CCDC141: variants seen among roughly 807,000 people sequenced by gnomAD.
CCDC141 encodes the protein coiled-coil domain-containing protein 141.
CCDC141 carries 168 observed loss-of-function variants against 181.0 expected under a neutral mutation model. That is an observed-to-expected ratio of 0.93 (90% CI 0.82 to 1.05). CCDC141 has a LOEUF of 1.05. Ranked by LOEUF, CCDC141 falls within the 50% of genes least tolerant of loss-of-function variation. CCDC141 has a pLI of 0.00. For missense variants in CCDC141, 1,902 were observed against 1,788.5 expected, an observed-to-expected ratio of 1.06 and a Z score of -1.14; for synonymous variants, 666 against 642.3, an observed-to-expected ratio of 1.04 and a Z score of -0.56.
At chr2:178,942,518 A>G (rs534361851) in intron 6 of CCDC141, among the ~76,000 whole-genome samples, 18 of 152,324 alleles carry the variant, frequency 1.2e-4, no homozygotes, top group Non-Finnish European at 2.4e-4. Flanking sequence ...ATGAACAGGC[A>G]GAGCGCAGAG....
intron 15 of CCDC141, among the ~76,000 whole-genome samples, chr2:178,868,469 T>C (rs1265278428): frequency 6.6e-6 from 1 of 152,104 alleles, no homozygotes; most frequent in Non-Finnish European, 1.5e-5. Context: ...AGGTCTGTGC[T>C]CTGAGTAAAT....
chr2:178,928,572 A>G (rs1575229237), intron 6 of CCDC141, among the ~76,000 whole-genome samples: 1 of 152,334 alleles, frequency 6.6e-6, no homozygotes, highest in East Asian at 1.9e-4. Context: ...AAAAAAAGAT[A>G]TATGAGGAAT....
chr2:178,984,067 A>C (rs1691583040), intron 2 of CCDC141, among the ~76,000 whole-genome samples: 1 of 152,092 alleles, frequency 6.6e-6, no homozygotes, highest in Non-Finnish European at 1.5e-5. Flanking sequence ...GCCAGAGAGA[A>C]AGGTCGGGTT....
intron 2 of CCDC141, among the ~76,000 whole-genome samples, chr2:178,989,311 G>C (rs1476503267): frequency 1.3e-5 from 2 of 152,036 alleles, no homozygotes; most frequent in East Asian, 3.9e-4. Flanking sequence ...CAATAGAAAG[G>C]GGCTGGGCGC....
chr2:179,046,064 TA>T (rs2043488856), intron 2 of CCDC141, among the ~76,000 whole-genome samples: 1 of 152,214 alleles, frequency 6.6e-6, no homozygotes, highest in African/African-American at 2.4e-5. Context: ...AATCTGCTTC[TA>T]AATCTAGAAA....
At chr2:178,939,726 C>T (rs891035849) in intron 6 of CCDC141, among the ~76,000 whole-genome samples, 2 of 151,756 alleles carry the variant, frequency 1.3e-5, no homozygotes, top group African/African-American at 2.4e-5. Context: ...ACTGGGAGGT[C>T]GTCCAAGGGG....
At chr2:178,984,577 C>G (rs1292082723) in intron 2 of CCDC141, among the ~76,000 whole-genome samples, 1 of 149,910 alleles carries the variant, frequency 6.7e-6, no homozygotes, top group Non-Finnish European at 1.5e-5. Context: ...ACCCATCTCA[C>G]GTGCAGAGAC....
chr2:178,869,261 C>A lies in CCDC141; in HGVS notation c.2250G>T (p.Glu750Asp). ...TTACAGGGGCTCCTCTGCCAGTTAA[C>A]TCCTCTGATTCTTTCATAATGTACT... is the stretch of plus-strand genomic sequence containing the variant. ...EVQYIMKESE[E>D]LTGRGAPVKE... Residue 750 changes from glutamate (E) to aspartate (D), a missense_variant, in exon 15 of 24, where the codon GAG (glutamate) becomes GAT (aspartate). Transcript: ENST00000443758. The A allele has an allele frequency of 6.2e-7, 1 of 1,613,406 alleles. No individual in the cohort carries two copies.
intron 5 of CCDC141, 52 bp from the exon 6 acceptor site, chr2:178,944,703 G>A (rs1482886328): frequency 3.9e-6 from 3 of 768,730 alleles, no homozygotes; most frequent in South Asian, 2.6e-5. Context: ...CAGAATAAGT[G>A]AGTAAAAATT....
intron 5 of CCDC141, among the ~76,000 whole-genome samples, chr2:178,954,905 T>G (rs1291985997): frequency 6.6e-6 from 1 of 152,116 alleles, no homozygotes; most frequent in South Asian, 2.1e-4. Flanking sequence ...ATGATAACTA[T>G]AAAACCCAAA....
chr2:178,820,326 G>T, the CCDC141 span, among the ~76,000 whole-genome samples: 1 of 152,118 alleles, frequency 6.6e-6, no homozygotes, highest in Non-Finnish European at 1.5e-5. Flanking sequence ...TTTTTTTAAG[G>T]TTGGGGGAGG....
At chr2:178,912,544 G>A (rs1025708204) in intron 7 of CCDC141, among the ~76,000 whole-genome samples, 1 of 152,114 alleles carries the variant, frequency 6.6e-6, no homozygotes, top group Non-Finnish European at 1.5e-5. Context: ...TAAACAGCCT[G>A]ACCTCTGAGC....
intron 2 of CCDC141, among the ~76,000 whole-genome samples, chr2:178,999,874 G>A (rs1188048601): frequency 6.6e-6 from 1 of 151,914 alleles, no homozygotes; most frequent in Non-Finnish European, 1.5e-5. Flanking sequence ...TCTTACTTGG[G>A]GCAAGGGTAT....
chr2:179,039,417 A>G (rs553899272), intron 2 of CCDC141, among the ~76,000 whole-genome samples: 11 of 152,328 alleles, frequency 7.2e-5, no homozygotes, highest in African/African-American at 2.6e-4. Flanking sequence ...ACTCATTAAC[A>G]TAATAATTAT....
intron 5 of CCDC141, among the ~76,000 whole-genome samples, chr2:178,945,426 C>T (rs774648374): frequency 2.0e-5 from 3 of 152,094 alleles, no homozygotes; most frequent in Non-Finnish European, 4.4e-5. Flanking sequence ...CTCTCAACAA[C>T]TTTATAACAG....
chr2:178,878,215 T>TA (rs1478529424), intron 11 of CCDC141, 72 bp from the exon 12 acceptor site: 1 of 887,678 alleles, frequency 1.1e-6, no homozygotes, highest in African/African-American at 1.7e-5. Context: ...TAGATTCCAA[T>TA]AAAAACCTAT....
At chr2:179,000,052 C>CCA (rs1323553955) in intron 2 of CCDC141, among the ~76,000 whole-genome samples, 1 of 92,450 alleles carries the variant, frequency 1.1e-5, no homozygotes, top group African/African-American at 4.0e-5. Flanking sequence ...AGATTCATCA[C>CCA]CATACACACA....
the CCDC141 span, among the ~76,000 whole-genome samples, chr2:178,821,628 A>G: frequency 7.9e-3 from 1,198 of 152,320 alleles, 19 homozygotes; most frequent in African/African-American, 0.027. Flanking sequence ...CAAAGCTAGG[A>G]TTAGAATTTA....
At chr2:178,943,387 CT>C (rs1296588487) in intron 6 of CCDC141, among the ~76,000 whole-genome samples, 1 of 152,122 alleles carries the variant, frequency 6.6e-6, no homozygotes, top group African/African-American at 2.4e-5. Flanking sequence ...CTACAAGACA[CT>C]GGAGTGTTCA....
Sources: gnomAD v4.1 joint callset for allele counts (sites outside exome capture counted in the v4.1 genomes callset) on GRCh38, gnomAD v4.1.1 for gene constraint, MANE v1.5 for transcripts, NCBI Gene and HGNC (gene_info 2026-07-23, HGNC 2026-07-21) for gene names.